Variants in ADAM9 observed in about 807,000 individuals in gnomAD.
ADAM9 encodes disintegrin and metalloproteinase domain-containing protein 9.
Under a neutral mutation model 108.1 loss-of-function variants are expected in ADAM9, and 54 were observed. The observed-to-expected ratio is 0.50, with a 90% CI of 0.40 to 0.63. The LOEUF (loss-of-function observed/expected upper bound fraction) is 0.63, where lower values mean the gene tolerates loss of function less well. Among genes scored for constraint, ADAM9 ranks in the 20% least tolerant of loss-of-function variants. The pLI is 0.00. For missense variants in ADAM9, 830 were observed against 997.7 expected, an observed-to-expected ratio of 0.83 and a Z score of 2.26; for synonymous variants, 316 against 336.0, an observed-to-expected ratio of 0.94 and a Z score of 0.65.
At chr8:39,064,754 GA>G (rs1248234186) in intron 14 of ADAM9, among the ~76,000 whole-genome samples, 12 of 152,146 alleles carry the variant, frequency 7.9e-5, no homozygotes, top group Admixed American at 7.9e-4. Flanking sequence ...AGGTGAATTA[GA>G]GGTAAATTTT....
At chr8:39,091,568 A>G (rs1232757026) in intron 20 of ADAM9, among the ~76,000 whole-genome samples, 2 of 152,044 alleles carry the variant, frequency 1.3e-5, no homozygotes, top group Non-Finnish European at 2.9e-5. Flanking sequence ...TCTCATTGCA[A>G]CCTCTGCCTC....
chr8:39,104,278 T>C lies in ADAM9; in HGVS notation c.*578T>C, dbSNP rs1231852303. The C allele has an allele frequency of 2.2e-6, 1 of 452,626 alleles. No individual in the cohort carries two copies. The highest frequency in any genetic ancestry group is 4.4e-6 in the Non-Finnish European group (1 of 225,846). 28.0% of individuals were successfully genotyped at this position (452,626 alleles called of 1,614,324 possible). On this transcript the variant is annotated 3_prime_UTR_variant, in exon 22 of 22. Coordinates refer to ENST00000487273, the MANE Select transcript of ADAM9 (RefSeq NM_003816.3). ...ATGCACAAGAACCACAATTAAGATG[T>C]CATATTATTTTGAAAGTACAAAATA...
intron 2 of ADAM9, among the ~76,000 whole-genome samples, chr8:39,008,926 T>G (rs1425760735): frequency 6.6e-6 from 1 of 152,198 alleles, no homozygotes; most frequent in Non-Finnish European, 1.5e-5. Flanking sequence ...TAATTAAATT[T>G]TATTATAATT....
At chr8:39,045,418 GTACACACACCTATA>G (rs1837708640) in intron 12 of ADAM9, among the ~76,000 whole-genome samples, 1 of 126,584 alleles carries the variant, frequency 7.9e-6, no homozygotes, top group Non-Finnish European at 1.7e-5. Context: ...GTGCGCGTGT[GTACACACACCTATA>G]TGTGCGCGTG....
intron 11 of ADAM9, among the ~76,000 whole-genome samples, chr8:39,027,299 G>C (rs1836953171): frequency 6.6e-6 from 1 of 152,178 alleles, no homozygotes. Context: ...AAGAGATCCT[G>C]ATATATTTCT....
Position 39,025,858 on chromosome 8 carries a change from A to C in ADAM9, c.970A>C (p.Arg324=). The C allele has an allele frequency of 6.2e-7, 1 of 1,614,172 alleles. No homozygotes were observed. The highest frequency in any genetic ancestry group is 1.7e-5 in the Admixed American group (1 of 60,026). Residue 324 remains arginine (R), a synonymous_variant, in exon 10 of 22, where the codon AGG becomes CGG. Transcript: ENST00000487273. The stretch of plus-strand genomic sequence containing the variant: ...GGCATTTGTGGGAACAGTGTGTTCA[A>C]GGAGCCACGCAGGCGGGATTAATGT... The part of the protein sequence containing the change: ...GMAFVGTVCS[R]SHAGGINVFG...
chr8:39,089,881 G>A, intron 18 of ADAM9, 166 bp from the exon 19 acceptor site: 3 of 729,700 alleles, frequency 4.1e-6, no homozygotes, highest in South Asian at 3.3e-5. Flanking sequence ...GAAGGCAGAA[G>A]TAAAGCGGAC....
chr8:39,059,454 A>G (rs1188946040), intron 14 of ADAM9, among the ~76,000 whole-genome samples: 1 of 152,200 alleles, frequency 6.6e-6, no homozygotes, highest in Non-Finnish European at 1.5e-5. Context: ...GAGGAAGTCC[A>G]TGATGCTGAG....
At chr8:39,079,499 G>A (rs924393516) in intron 16 of ADAM9, among the ~76,000 whole-genome samples, 3 of 151,910 alleles carry the variant, frequency 2.0e-5, no homozygotes, top group African/African-American at 7.3e-5. Flanking sequence ...CATTTTTTGA[G>A]GCTTCTCATA....
rs1837705945 is a variant in ADAM9 at position 39,045,411 on chromosome 8, C to CGCGTGTGTACACACACCTATATGTGT, written c.1302+3319_1302+3320insTGCGTGTGTACACACACCTATATGTG. 9.6e-5 allele frequency among the ~76,000 whole-genome samples: 2 copies of CGCGTGTGTACACACACCTATATGTGT among 20,742 alleles called. 1 individual carries two copies. The highest frequency in any genetic ancestry group is 4.3e-4 in the African/African-American group (2 of 4,614). 13.6% of individuals were successfully genotyped at this position (20,742 alleles called of 152,430 possible). A position where few individuals can be genotyped will look rare whatever the true frequency, so the allele number is the denominator to read the frequency against. ...GTGTGTGTACACACACCTATATGTG[C>CGCGTGTGTACACACACCTATATGTGT]GCGTGTGTACACACACCTATATGTG... On this transcript the variant is annotated intron_variant, in intron 12 of 21. Transcript: ENST00000487273.
At chr8:39,095,761 C>T (rs931953100) in intron 20 of ADAM9, among the ~76,000 whole-genome samples, 17 of 152,122 alleles carry the variant, frequency 1.1e-4, no homozygotes, top group African/African-American at 3.9e-4. Flanking sequence ...TTAGCTCTCT[C>T]TCCAGATTAA....
Position 38,997,120 on chromosome 8 carries a change from G to T in ADAM9, c.57G>T (p.Leu19Phe). 6.2e-7 allele frequency: 1 copy of T among 1,604,686 alleles called. No homozygotes were observed. ...CCCTTCGTGTCCGGTGGTTGCTGTT[G>T]CTTGGCCTGGTGGGCCCAGTCCTCG... is the stretch of plus-strand genomic sequence containing the variant. ...SGTLRVRWLL[L>F]LGLVGPVLGA... Residue 19 changes from leucine (L) to phenylalanine (F), a missense_variant, in exon 1 of 22, where the codon TTG (leucine) becomes TTT (phenylalanine). Leu to Phe is a conservative substitution (Grantham distance 22, BLOSUM62 0). This residue lies in a region of ADAM9 where 211 missense variants were observed against 222.2 expected (regional missense o/e 0.95). Transcript: ENST00000487273.
chr8:39,023,386 T>A (rs1588346103), intron 9 of ADAM9, 61 bp downstream of exon 9: 1 of 1,491,780 alleles, frequency 6.7e-7, no homozygotes, highest in East Asian at 2.5e-5. Flanking sequence ...TTTTGCTTAT[T>A]TTCTTGTATT....
At chr8:39,002,465 C>T (rs778409637) in intron 1 of ADAM9, among the ~76,000 whole-genome samples, 15 of 151,040 alleles carry the variant, frequency 9.9e-5, no homozygotes, top group Non-Finnish European at 1.6e-4. Context: ...ACTACAGGCA[C>T]GCACCACCAC....
chr8:39,082,902 T>C, intron 17 of ADAM9, 66 bp from the exon 18 acceptor site: 1 of 1,456,584 alleles, frequency 6.9e-7, no homozygotes, highest in Non-Finnish European at 9.6e-7. Flanking sequence ...TTGGTTTCCA[T>C]TCTTGAGTTG....
chr8:39,028,932 G>A (rs778676235), intron 11 of ADAM9, among the ~76,000 whole-genome samples: 1 of 152,034 alleles, frequency 6.6e-6, no homozygotes, highest in Non-Finnish European at 1.5e-5. Context: ...GAGTGAGTTG[G>A]TATTTAAAAC....
chr8:39,098,342 T>C (rs1290407432), intron 20 of ADAM9, among the ~76,000 whole-genome samples: 2 of 152,246 alleles, frequency 1.3e-5, no homozygotes, highest in African/African-American at 2.4e-5. Flanking sequence ...TTCTTAGCAA[T>C]TATTTCTTTA....
At chr8:39,073,648 C>T (rs902330464) in intron 15 of ADAM9, among the ~76,000 whole-genome samples, 4 of 151,984 alleles carry the variant, frequency 2.6e-5, no homozygotes, top group Non-Finnish European at 4.4e-5. Context: ...TTAATATAAC[C>T]GATTGAATGA....
chr8:39,043,636 T>C (rs1473846973), intron 12 of ADAM9, among the ~76,000 whole-genome samples: 1 of 152,192 alleles, frequency 6.6e-6, no homozygotes, highest in Non-Finnish European at 1.5e-5. Context: ...CTTTTAACAT[T>C]TTTATATATT....
Sources: gnomAD v4.1 joint callset for allele counts (sites outside exome capture counted in the v4.1 genomes callset) on GRCh38, gnomAD v4.1.1 for gene constraint, gnomAD v4.1.1 regional missense constraint, MANE v1.5 for transcripts, NCBI Gene and HGNC (gene_info 2026-07-23, HGNC 2026-07-21) for gene names.